Variants in DNAH11 observed in about 807,000 individuals in gnomAD.
The protein encoded by DNAH11 is axonemal beta dynein heavy chain 11.
Under a neutral mutation model 526.0 loss-of-function variants are expected in DNAH11, and 442 were observed. That is an observed-to-expected ratio of 0.84 (90% CI 0.78 to 0.91). The LOEUF is 0.91. DNAH11 is among the 40% of genes least tolerant of loss of function. DNAH11 has a pLI of 0.00. For synonymous variants in DNAH11, 2,461 were observed against 1,935.9 expected (o/e 1.27, Z -7.12); for missense variants, 6,989 against 5,448.7 (o/e 1.28, Z -8.90).
At chr7:21,673,511 C>A (rs191219307) in intron 30 of DNAH11, among the ~76,000 whole-genome samples, 1 of 152,260 alleles carries the variant, frequency 6.6e-6, no homozygotes, top group African/African-American at 2.4e-5. Flanking sequence ...ACAGCATCCT[C>A]CAGCTAGGAG....
intron 70 of DNAH11, 151 bp from the exon 71 acceptor site, chr7:21,866,319 G>T (rs1392819426): frequency 1.2e-5 from 5 of 418,466 alleles, no homozygotes; most frequent in South Asian, 4.0e-5. Flanking sequence ...TCTCAGCAGA[G>T]CAAAAAAAAA....
intron 65 of DNAH11, among the ~76,000 whole-genome samples, chr7:21,841,087 G>C (rs1782186539): frequency 6.6e-6 from 1 of 152,072 alleles, no homozygotes; most frequent in Non-Finnish European, 1.5e-5. Context: ...AGGAGGCTGA[G>C]GCACAAGAAT....
chr7:21,818,296 G>C lies in DNAH11; in HGVS notation c.10648G>C (p.Val3550Leu), dbSNP rs372249193. Reference sequence around the variant, plus strand: ...AAATCTCGAGGAAACGATAGATCCAGTCCTGGATCCACTACTTGGCAGGAA... The same window carrying C: ...AAATCTCGAGGAAACGATAGATCCACTCCTGGATCCACTACTTGGCAGGAA... ...IENLEETIDP[V>L]LDPLLGRNTI... Residue 3550 changes from valine (V) to leucine (L), a missense_variant, in exon 65 of 82, where the codon GTC (valine) becomes CTC (leucine). Transcript: ENST00000409508. 9.9e-6 allele frequency: 16 copies of C among 1,611,052 alleles called. No homozygotes were observed. Among genetic ancestry groups the C allele is most frequent in the Non-Finnish European group, 1.3e-5 (15 of 1,178,824 alleles).
At chr7:21,807,173 A>C (rs1000283355) in intron 62 of DNAH11, among the ~76,000 whole-genome samples, 1 of 152,122 alleles carries the variant, frequency 6.6e-6, no homozygotes, top group African/African-American at 2.4e-5. Flanking sequence ...GTGTAGTGGG[A>C]AGAATGGAGA....
chr7:21,615,171 C>T lies in DNAH11; in HGVS notation c.3910C>T (p.Arg1304Cys), dbSNP rs759530635. The T allele has an allele frequency of 2.4e-5, 38 of 1,612,702 alleles. No homozygotes were observed. The highest frequency in any genetic ancestry group is 3.3e-4 in the Middle Eastern group (2 of 6,076). ...AATGTTGCAGATGCAAGAATCTACT[C>T]GTCTTTTTGAAGTGGCTCTTCCAGA... Reference protein sequence around the residue: ...EEMLQMQESTRLFEVALPEYK... With the variant: ...EEMLQMQESTCLFEVALPEYK... Residue 1304 changes from arginine (R) to cysteine (C), a missense_variant, in exon 21 of 82, where the codon CGT (arginine) becomes TGT (cysteine). Physicochemically the swap from Arg to Cys is radical, Grantham distance 180. Coordinates refer to ENST00000409508, the MANE Select transcript of DNAH11 (RefSeq NM_001277115.2).
At chr7:21,873,883 C>A (rs570155500) in intron 74 of DNAH11, among the ~76,000 whole-genome samples, 1 of 148,202 alleles carries the variant, frequency 6.7e-6, no homozygotes, top group South Asian at 2.2e-4. Flanking sequence ...TTCCACCTCC[C>A]GGGTTCAAGC....
intron 18 of DNAH11, among the ~76,000 whole-genome samples, chr7:21,603,445 G>T (rs1439850891): frequency 2.0e-5 from 3 of 152,104 alleles, no homozygotes; most frequent in African/African-American, 7.2e-5. Flanking sequence ...TGGGTCATCT[G>T]GTAGTTCTAT....
In DNAH11 at chr7:21,639,088, C is replaced by T. The variant is rs547794818; in HGVS notation, c.4944+23C>T. 391 of 1,600,884 alleles carry T rather than the reference C, an allele frequency of 2.4e-4. 3 individuals carry two copies. In the South Asian group the frequency reaches 3.9e-3, roughly 16 times the overall value. On this transcript the variant is annotated intron_variant, in intron 28 of 81. Coordinates refer to ENST00000409508, the MANE Select transcript of DNAH11 (RefSeq NM_001277115.2). Reference sequence around the variant, plus strand: ...CAGGTAATATTTTTTTTGAAAGTCTCGTATTATACTGTGTTAGCTGAGGAA... The same window carrying T: ...CAGGTAATATTTTTTTTGAAAGTCTTGTATTATACTGTGTTAGCTGAGGAA...
intron 68 of DNAH11, among the ~76,000 whole-genome samples, chr7:21,857,750 G>A (rs1481109206): frequency 6.6e-6 from 1 of 151,928 alleles, no homozygotes; most frequent in Non-Finnish European, 1.5e-5. Flanking sequence ...TACAACAAAT[G>A]GTGCTGGAGC....
At chr7:21,865,722 A>G (rs2128033456) in intron 70 of DNAH11, among the ~76,000 whole-genome samples, 1 of 152,350 alleles carries the variant, frequency 6.6e-6, no homozygotes, top group South Asian at 2.1e-4. Context: ...GCAAGAAAGA[A>G]TTCAGCGTGA....
chr7:21,795,356 C>G (rs1562550820), intron 61 of DNAH11, among the ~76,000 whole-genome samples: 1 of 152,126 alleles, frequency 6.6e-6, no homozygotes, highest in Non-Finnish European at 1.5e-5. Context: ...CTAATTCTCC[C>G]TGTTCTCCTA....
chr7:21,868,248 G>C (rs896443484), intron 72 of DNAH11, among the ~76,000 whole-genome samples: 8 of 152,020 alleles, frequency 5.3e-5, no homozygotes, highest in South Asian at 2.1e-4. Flanking sequence ...TCCACCTTTT[G>C]ACTGTATGAG....
At chr7:21,828,810 A>ATGTTGTTGT (rs149793138) in intron 65 of DNAH11, among the ~76,000 whole-genome samples, 1 of 149,076 alleles carries the variant, frequency 6.7e-6, no homozygotes, top group African/African-American at 2.5e-5. Context: ...TGAAACACCA[A>ATGTTGTTGT]TGTTGTTGTT....
In DNAH11 at chr7:21,884,378, G is replaced by C. The variant is rs771944678; in HGVS notation, c.12475G>C (p.Val4159Leu). 4.3e-6 allele frequency: 7 copies of C among 1,612,892 alleles called. No individual in the cohort carries two copies. In the African/African-American group the frequency reaches 9.4e-5, roughly 22 times the overall value. ...TGACTGGGATCGCAAACTGTGTCGGGTGTATTTAGAAGAATTCATGAATCC... is the reference window on the plus strand; with the variant it reads ...TGACTGGGATCGCAAACTGTGTCGGCTGTATTTAGAAGAATTCATGAATCC... ...TDDWDRKLCR[V>L]YLEEFMNPSL... The change falls in exon 76 of 82, where the codon GTG (valine) becomes CTG (leucine). Residue 4159 changes from valine (V) to leucine (L), a missense_variant. Physicochemically the swap from Val to Leu is conservative, Grantham distance 32. Coordinates refer to ENST00000409508, the MANE Select transcript of DNAH11 (RefSeq NM_001277115.2).
At chr7:21,757,970 T>G (rs1490768204) in intron 54 of DNAH11, among the ~76,000 whole-genome samples, 1 of 152,234 alleles carries the variant, frequency 6.6e-6, no homozygotes, top group Non-Finnish European at 1.5e-5. Flanking sequence ...CAAACCTACC[T>G]CTGGCTGAGG....
rs1784691873 is a variant in DNAH11, at chr7:21,591,578, G to C, written c.2667+1G>C. 1.9e-6 allele frequency: 3 copies of C among 1,544,912 alleles called. No homozygotes were observed. In the African/African-American group the frequency reaches 4.1e-5, roughly 21 times the overall value. On this transcript the variant is annotated splice_donor_variant, in intron 14 of 81. Coordinates refer to ENST00000409508, the MANE Select transcript of DNAH11 (RefSeq NM_001277115.2). LOFTEE classifies it high-confidence loss of function. ...CTGCAAGATCCACAACTTGGTCGAG[G>C]TAATGGCTTTTAACCTTTCAAGATT...
chr7:21,867,586 G>A, intron 71 of DNAH11, among the ~76,000 whole-genome samples: 1 of 152,178 alleles, frequency 6.6e-6, no homozygotes, highest in Non-Finnish European at 1.5e-5. Context: ...CAAAGCCATA[G>A]CAGACAGCTG....
intron 66 of DNAH11, chr7:21,851,045 C>T (rs571626118): frequency 1.3e-5 from 2 of 152,746 alleles, no homozygotes; most frequent in East Asian, 1.9e-4. Context: ...TTTTAAAGGA[C>T]AGGAATTCTG....
chr7:21,829,653 T>A (rs1463822890), intron 65 of DNAH11, among the ~76,000 whole-genome samples: 3 of 152,256 alleles, frequency 2.0e-5, no homozygotes, highest in Non-Finnish European at 4.4e-5. Flanking sequence ...TTTTGGTTTT[T>A]ATAATCAATA....
Sources: allele counts gnomAD v4.1 joint callset (sites outside exome capture counted in the v4.1 genomes callset), GRCh38; gene constraint gnomAD v4.1.1; transcripts MANE v1.5; gene names NCBI Gene and HGNC (gene_info 2026-07-23, HGNC 2026-07-21).